Variants in CCR6 observed in about 807,000 individuals in gnomAD.
CCR6 encodes the protein C-C chemokine receptor type 6.
In CCR6, 2 loss-of-function variants were observed where a neutral mutation model predicts 3.0. The ratio of observed to expected loss-of-function variants is 0.66; its 90% CI spans 0.27 to 2.07. CCR6 has a LOEUF of 2.07. Ranked by LOEUF, CCR6 falls within the 30% of genes most tolerant of loss-of-function variation. CCR6 has a pLI of 0.14. For missense variants in CCR6, 322 were observed against 462.8 expected, an observed-to-expected ratio of 0.70 and a Z score of 2.79; for synonymous variants, 193 against 184.3, an observed-to-expected ratio of 1.05 and a Z score of -0.38.
intron 1 of CCR6, chr6:167,131,612 C>G (rs1436729539): frequency 6.4e-6 from 1 of 155,786 alleles, no homozygotes; most frequent in Non-Finnish European, 1.4e-5. Context: ...TGCAGGCCTC[C>G]CCCTCGCTGT....
upstream of CCR6, among the ~76,000 whole-genome samples, chr6:167,118,414 C>G (rs73259291): frequency 6.6e-6 from 1 of 152,140 alleles, no homozygotes; most frequent in African/African-American, 2.4e-5. Flanking sequence ...TTCAGTTACA[C>G]GAGACATCAA....
chr6:167,117,949 T>C (rs1298159299), upstream of CCR6, among the ~76,000 whole-genome samples: 22 of 106,190 alleles, frequency 2.1e-4, no homozygotes, highest in Admixed American at 1.8e-3. Context: ...TTTCTGTTTT[T>C]TTTTTTTTTT....
rs368394273 is a variant in CCR6, at chr6:167,126,229, T to C, written c.-98+3006T>C. 2.0e-5 allele frequency: 3 copies of C among 152,348 alleles called. No individual in the cohort carries two copies. In the East Asian group the frequency reaches 5.8e-4, roughly 29 times the overall value. The allele number at this position is 152,348 out of a possible 1,614,324, so 9.4% of individuals were successfully genotyped here. A position where few individuals can be genotyped will look rare whatever the true frequency, so the allele number is the denominator to read the frequency against. On this transcript the variant is annotated intron_variant, in intron 1 of 2. Transcript: ENST00000341935. ...AAAAAGGTAGTTTATTTATATGATT[T>C]CAAGCCTAAAATACATACTGAAGTA...
At chr6:167,117,949 T>A (rs1298159299), upstream of CCR6, among the ~76,000 whole-genome samples, 3 of 106,204 alleles carry the variant, frequency 2.8e-5, no homozygotes, top group Admixed American at 2.5e-4. Flanking sequence ...TTTCTGTTTT[T>A]TTTTTTTTTT....
chr6:167,130,881 C>CT (rs1276991365), intron 1 of CCR6, among the ~76,000 whole-genome samples: 1 of 148,040 alleles, frequency 6.8e-6, no homozygotes, highest in Non-Finnish European at 1.5e-5. Flanking sequence ...ACTTCCTGCC[C>CT]TGTGGCCTGT....
At chr6:167,122,238 G>A (rs1018651376), upstream of CCR6, among the ~76,000 whole-genome samples, 8 of 152,334 alleles carry the variant, frequency 5.3e-5, no homozygotes, top group East Asian at 1.9e-4. This position sits in a 1 kb window ranked among gnomAD's most constrained non-coding sequence, Gnocchi z 4.2. Context: ...AATTGATCAC[G>A]AACCTATTGT....
intron 1 of CCR6, chr6:167,115,550 T>G (rs1781480102): frequency 6.6e-6 from 1 of 152,172 alleles, no homozygotes; most frequent in South Asian, 2.1e-4. Context: ...GTATCTGACT[T>G]GAAGCAAAAT....
At chr6:167,135,941 T>C (rs763499594) in intron 1 of CCR6, 97 bp from the exon 2 acceptor site, 8 of 629,126 alleles carry the variant, frequency 1.3e-5, no homozygotes, top group Non-Finnish European at 2.0e-5. Context: ...TGCTGTGCAC[T>C]CTGTTCACAC....
Position 167,130,992 on chromosome 6 carries a change from C to CCCTCCCTCCGGGACT in CCR6, c.-97-5039_-97-5038insCCGGGACTCCTCCCT, listed in dbSNP as rs1254078998. ...TCTGGGACCACCCTCCCTCTGGACC[C>CCCTCCCTCCGGGACT]CCTCCCTTTGGGACCCCTCCTTCTG... On this transcript the variant is annotated intron_variant, in intron 1 of 2. Coordinates refer to ENST00000341935, the MANE Select transcript of CCR6 (RefSeq NM_031409.4). Among the ~76,000 whole-genome samples, 67 of 118,304 alleles carry CCCTCCCTCCGGGACT rather than the reference C, an allele frequency of 5.7e-4. 1 individual carries two copies. The highest frequency in any genetic ancestry group is 8.5e-4 in the South Asian group (3 of 3,522). 77.6% of individuals were successfully genotyped at this position (118,304 alleles called of 152,430 possible).
chr6:167,127,037 C>T (rs546163169), intron 1 of CCR6: 5 of 152,190 alleles, frequency 3.3e-5, no homozygotes, highest in African/African-American at 7.2e-5. Context: ...AGTGTGAGAA[C>T]GGACTAATAC....
At chr6:167,125,669 T>G (rs1024791139) in intron 1 of CCR6, among the ~76,000 whole-genome samples, 4 of 152,226 alleles carry the variant, frequency 2.6e-5, no homozygotes, top group Non-Finnish European at 4.4e-5. Flanking sequence ...AATCCTATAG[T>G]GAGGGCAGCC....
In CCR6 at chr6:167,136,357, C is replaced by T; in HGVS notation, c.127C>T (p.Gln43Ter). The T allele has an allele frequency of 1.2e-6, 2 of 1,614,170 alleles. No individual in the cohort carries two copies. Among genetic ancestry groups the T allele is most frequent in the Non-Finnish European group, 1.7e-6 (2 of 1,180,022 alleles). Residue 43 changes from glutamine to a stop codon, truncating the protein, a stop_gained, in exon 3 of 3, where the codon CAG (glutamine) becomes TAG (stop). Coordinates refer to ENST00000341935, the MANE Select transcript of CCR6 (RefSeq NM_031409.4). LOFTEE classifies it low-confidence loss of function (END_TRUNC). The surrounding 1 kb of genome is among the most constrained non-coding windows in gnomAD (Gnocchi z 4.6). ...ACTGTGCTCCTTGCAGGAGGTCAGG[C>T]AGTTCTCCAGGCTATTTGTACCGAT... ...MLLCSLQEVR[Q>*]FSRLFVPIAY...
chr6:167,130,832 C>T (rs1781741441), intron 1 of CCR6, among the ~76,000 whole-genome samples: 1 of 148,846 alleles, frequency 6.7e-6, no homozygotes, highest in South Asian at 2.1e-4. Context: ...GTCTTATGAA[C>T]AGGACGGAGT....
upstream of CCR6, among the ~76,000 whole-genome samples, chr6:167,121,268 G>A (rs548306460): frequency 3.9e-5 from 6 of 152,248 alleles, no homozygotes; most frequent in Admixed American, 6.5e-5. Flanking sequence ...GCCACACAAC[G>A]CGGTTTTGTT....
upstream of CCR6, among the ~76,000 whole-genome samples, chr6:167,119,600 C>CAA (rs1164761549): frequency 6.6e-6 from 1 of 152,200 alleles, no homozygotes; most frequent in Non-Finnish European, 1.5e-5. Flanking sequence ...TCCCCATGCC[C>CAA]AAATGTATTA....
In CCR6 at chr6:167,137,533, T is replaced by A. The variant is rs533971801; in HGVS notation, c.*178T>A. ...GTGATCTCTTCAGGGTGGGGTGGTC[T>A]CTGATAGGTAGCATTTTCCAGCACT... is the stretch of plus-strand genomic sequence containing the variant. On this transcript the variant is annotated 3_prime_UTR_variant, in exon 3 of 3. Transcript: ENST00000341935. The surrounding 1 kb of genome is among the most constrained non-coding windows in gnomAD (Gnocchi z 4.6). 184 of 597,796 alleles carry A rather than the reference T, an allele frequency of 3.1e-4. 2 individuals carry two copies. The East Asian group carries it at 5.0e-3, about 16-fold the overall frequency. The allele number at this position is 597,796 out of a possible 1,614,324, so 37.0% of individuals were successfully genotyped here.
Position 167,130,976 on chromosome 6 carries a change from ACCCTCCCTCTGGACC to A in CCR6, c.-97-5053_-97-5039del, listed in dbSNP as rs1391608383. ...CTCCGGGACTCCTCCCTCTGGGACC[ACCCTCCCTCTGGACC>A]CCCTCCCTTTGGGACCCCTCCTTCT... On this transcript the variant is annotated intron_variant, in intron 1 of 2. Coordinates refer to ENST00000341935, the MANE Select transcript of CCR6 (RefSeq NM_031409.4). Among the ~76,000 whole-genome samples the A allele has an allele frequency of 1.7e-5, 2 of 120,774 alleles. 1 individual carries two copies. The highest frequency in any genetic ancestry group is 3.3e-5 in the Non-Finnish European group (2 of 60,370). 79.2% of individuals were successfully genotyped at this position (120,774 alleles called of 152,430 possible). A position where few individuals can be genotyped will look rare whatever the true frequency, so the allele number is the denominator to read the frequency against.
At chr6:167,129,578 C>A (rs1360272378) in intron 1 of CCR6, 1 of 152,024 alleles carries the variant, frequency 6.6e-6, no homozygotes, top group Non-Finnish European at 1.5e-5. Flanking sequence ...TTCACTGCAA[C>A]ATTCCCTGAA....
chr6:167,130,283 T>C (rs1034473117), intron 1 of CCR6, among the ~76,000 whole-genome samples: 7 of 151,822 alleles, frequency 4.6e-5, no homozygotes, highest in African/African-American at 1.7e-4. Context: ...GCTCAGCACA[T>C]TTCCCTGCAT....
Sources: allele counts gnomAD v4.1 joint callset (sites outside exome capture counted in the v4.1 genomes callset), GRCh38; gene constraint gnomAD v4.1.1; non-coding constraint Gnocchi (gnomAD v3.1); transcripts MANE v1.5; gene names NCBI Gene and HGNC (gene_info 2026-07-23, HGNC 2026-07-21).